The following COL8A1 variants were observed in gnomAD, a reference collection of about 807,000 sequenced individuals.
COL8A1 encodes the protein collagen type VIII alpha 1 chain.
Under a neutral mutation model 42.7 loss-of-function variants are expected in COL8A1, and 21 were observed. The observed-to-expected ratio is 0.49, with a 90% CI of 0.35 to 0.71. The LOEUF is 0.71. Ranked by LOEUF, COL8A1 falls within the 30% of genes least tolerant of loss-of-function variation. COL8A1 has a pLI of 0.01. For missense variants in COL8A1, 788 were observed against 962.4 expected, an observed-to-expected ratio of 0.82 and a Z score of 2.40; for synonymous variants, 367 against 369.1, an observed-to-expected ratio of 0.99 and a Z score of 0.06.
intron 1 of COL8A1, among the ~76,000 whole-genome samples, chr3:99,649,754 T>G (rs1937778704): frequency 6.6e-6 from 1 of 152,024 alleles, no homozygotes. Flanking sequence ...AGCATAAATA[T>G]GTGCTCTCTC....
At chr3:99,678,872 T>G (rs1366971776) in intron 1 of COL8A1, 2 of 152,206 alleles carry the variant, frequency 1.3e-5, no homozygotes, top group Non-Finnish European at 1.5e-5. Flanking sequence ...TCCTTAGGAT[T>G]CATTTTATTA....
intron 2 of COL8A1, among the ~76,000 whole-genome samples, chr3:99,789,386 C>T (rs929111336): frequency 2.6e-5 from 4 of 152,222 alleles, no homozygotes; most frequent in African/African-American, 9.6e-5. Context: ...CCACTTCTCT[C>T]TCTCTCTCTC....
intron 1 of COL8A1, among the ~76,000 whole-genome samples, chr3:99,646,805 A>C (rs1937652846): frequency 6.6e-6 from 1 of 152,228 alleles, no homozygotes; most frequent in Admixed American, 6.5e-5. Context: ...AAAATGGCTT[A>C]AAGAGTCTTA....
chr3:99,760,153 C>T (rs1157784329), intron 2 of COL8A1, among the ~76,000 whole-genome samples: 1 of 151,986 alleles, frequency 6.6e-6, no homozygotes, highest in East Asian at 1.9e-4. Flanking sequence ...AAAAGTTTTC[C>T]TTGTTTTATT....
In COL8A1 at chr3:99,778,374, A is replaced by T. The variant is rs1170306373; in HGVS notation, c.-3-12306A>T. Among the ~76,000 whole-genome samples, 4 of 152,220 alleles carry T rather than the reference A, an allele frequency of 2.6e-5. No homozygotes were observed. The East Asian group carries it at 7.7e-4, about 29-fold the overall frequency. ...TGGGTCTTAGAGGTTACTTTTGTAG[A>T]GAGAGAGAGAACTTCAGAGCTTTTT... On this transcript the variant is annotated intron_variant, in intron 2 of 3. Coordinates refer to ENST00000652472, the MANE Select transcript of COL8A1 (RefSeq NM_020351.4).
intron 1 of COL8A1, among the ~76,000 whole-genome samples, chr3:99,723,438 C>A (rs1940212898): frequency 6.6e-6 from 1 of 152,036 alleles, no homozygotes; most frequent in Non-Finnish European, 1.5e-5. Flanking sequence ...CAGTGGCAAG[C>A]AATATTGCCC....
At chr3:99,772,813 G>A (rs1941605901) in intron 2 of COL8A1, among the ~76,000 whole-genome samples, 1 of 152,138 alleles carries the variant, frequency 6.6e-6, no homozygotes, top group African/African-American at 2.4e-5. Flanking sequence ...GTGGCCTCCT[G>A]GAGAGGATAT....
At chr3:99,717,883 GTTC>G (rs1024986937) in intron 1 of COL8A1, among the ~76,000 whole-genome samples, 3 of 151,858 alleles carry the variant, frequency 2.0e-5, no homozygotes. Context: ...TTTTATTATT[GTTC>G]TTCTTGCTAT....
chr3:99,647,475 G>GTC (rs10662522), intron 1 of COL8A1, among the ~76,000 whole-genome samples: 9,789 of 147,594 alleles, frequency 0.066, 546 homozygotes, highest in African/African-American at 0.15. Context: ...TATTATTCAA[G>GTC]TCTCTCTCTC....
At chr3:99,676,485 A>C (rs1938701842) in intron 1 of COL8A1, among the ~76,000 whole-genome samples, 2 of 152,256 alleles carry the variant, frequency 1.3e-5, no homozygotes, top group Non-Finnish European at 2.9e-5. Flanking sequence ...ATAAAAAAGA[A>C]AATCACAAAA....
At chr3:99,689,998 G>A (rs1299729805) in intron 1 of COL8A1, among the ~76,000 whole-genome samples, 1 of 152,080 alleles carries the variant, frequency 6.6e-6, no homozygotes, top group Non-Finnish European at 1.5e-5. Flanking sequence ...TAAAATGCAT[G>A]CCCTTAAAAA....
chr3:99,703,169 T>C, intron 1 of COL8A1: 1 of 152,226 alleles, frequency 6.6e-6, no homozygotes, highest in East Asian at 1.9e-4. Flanking sequence ...AGAAAAGTGA[T>C]GTGATCTGAG....
At chr3:99,768,142 C>T (rs971286505) in intron 2 of COL8A1, among the ~76,000 whole-genome samples, 1 of 152,134 alleles carries the variant, frequency 6.6e-6, no homozygotes, top group Non-Finnish European at 1.5e-5. Flanking sequence ...CAGAAAGGTC[C>T]TACATTCCTG....
At position 99,689,777 on chromosome 3, in the gene COL8A1, C is replaced by T. The variant is rs1939164652; in HGVS notation, c.-129+51113C>T. ...ACACAGACCTGGATGCAACCAACAT[C>T]AGCAAAGCCTGAATTTTTAACTTTG... On this transcript the variant is annotated intron_variant, in intron 1 of 3. Transcript: ENST00000652472. Among the ~76,000 whole-genome samples, 3 of 152,238 alleles carry T rather than the reference C, an allele frequency of 2.0e-5. No individual in the cohort carries two copies. The South Asian group carries it at 6.2e-4, about 32-fold the overall frequency.
At chr3:99,747,615 T>C (rs1365648507) in intron 2 of COL8A1, among the ~76,000 whole-genome samples, 1 of 152,222 alleles carries the variant, frequency 6.6e-6, no homozygotes, top group Non-Finnish European at 1.5e-5. Context: ...GTTTGAAACT[T>C]TGAAGAACAC....
intron 1 of COL8A1, among the ~76,000 whole-genome samples, chr3:99,649,422 G>T (rs1309244896): frequency 1.3e-5 from 2 of 152,102 alleles, no homozygotes; most frequent in Non-Finnish European, 2.9e-5. Flanking sequence ...TAAGTTGACG[G>T]TGAATAAAGA....
intron 1 of COL8A1, among the ~76,000 whole-genome samples, chr3:99,662,342 A>C (rs1276242479): frequency 2.0e-5 from 3 of 151,442 alleles, no homozygotes; most frequent in Non-Finnish European, 1.5e-5. Context: ...ACATCACGCC[A>C]CTGCACTCCA....
Position 99,795,713 on chromosome 3 carries a change from G to A in COL8A1, c.1812G>A (p.Lys604=), listed in dbSNP as rs1383096925. ...GVKPPHAYGA[K]KGKNGGPAYE... Reference sequence around the variant, plus strand: ...AACCCCCCCATGCCTACGGGGCTAAGAAAGGCAAGAATGGAGGGCCAGCCT... The same window carrying A: ...AACCCCCCCATGCCTACGGGGCTAAAAAAGGCAAGAATGGAGGGCCAGCCT... The change falls in exon 4 of 4, where the codon AAG becomes AAA. Residue 604 remains lysine (K), a synonymous_variant. Transcript: ENST00000652472. The A allele has an allele frequency of 6.2e-7, 1 of 1,614,126 alleles. No individual in the cohort carries two copies. Among genetic ancestry groups the A allele is most frequent in the African/African-American group, 1.3e-5 (1 of 75,022 alleles).
At chr3:99,729,016 A>T (rs986196278) in intron 1 of COL8A1, among the ~76,000 whole-genome samples, 1 of 152,034 alleles carries the variant, frequency 6.6e-6, no homozygotes, top group Non-Finnish European at 1.5e-5. Context: ...AGGTTCATCC[A>T]GTTGTTTCAT....
Sources: gnomAD v4.1 joint callset for allele counts (sites outside exome capture counted in the v4.1 genomes callset) on GRCh38, gnomAD v4.1.1 for gene constraint, MANE v1.5 for transcripts, NCBI Gene and HGNC (gene_info 2026-07-23, HGNC 2026-07-21) for gene names.